Variants in PTPRK observed in about 807,000 individuals in gnomAD.
The protein encoded by PTPRK is receptor-type tyrosine-protein phosphatase kappa.
In PTPRK, 75 loss-of-function variants were observed where a neutral mutation model predicts 178.0. That is an observed-to-expected ratio of 0.42 (90% confidence interval 0.35 to 0.51). PTPRK has a LOEUF of 0.51. Among genes scored for constraint, PTPRK ranks in the 20% least tolerant of loss-of-function variants. The probability of loss-of-function intolerance (pLI) is 0.02; values close to 1 mark genes in which losing one functional copy is unlikely to be tolerated. For synonymous variants in PTPRK, 637 were observed against 620.6 expected (o/e 1.03, Z -0.39); for missense variants, 1,441 against 1,797.8 (o/e 0.80, Z 3.59).
chr6:128,250,162 A>G (rs928143148), intron 3 of PTPRK, among the ~76,000 whole-genome samples: 3 of 152,190 alleles, frequency 2.0e-5, no homozygotes, highest in African/African-American at 4.8e-5. Context: ...CTGTGAATCT[A>G]TCAAACCTAT....
intron 6 of PTPRK, among the ~76,000 whole-genome samples, chr6:128,197,996 A>T (rs1400220675): frequency 6.6e-6 from 1 of 152,212 alleles, no homozygotes; most frequent in East Asian, 1.9e-4. Flanking sequence ...TCCCAATTCA[A>T]GTGCCAGACT....
At chr6:128,301,555 C>G (rs2128312216) in intron 3 of PTPRK, among the ~76,000 whole-genome samples, 1 of 152,144 alleles carries the variant, frequency 6.6e-6, no homozygotes, top group Admixed American at 6.5e-5. Flanking sequence ...ATTTCACACT[C>G]TGATCCAATT....
chr6:128,394,158 T>C (rs1234581524), intron 2 of PTPRK, among the ~76,000 whole-genome samples: 1 of 152,232 alleles, frequency 6.6e-6, no homozygotes, highest in Admixed American at 6.5e-5. Context: ...TCCCTTAAGA[T>C]TGTGTTTGCG....
rs190155765 is a variant in PTPRK at position 128,046,957 on chromosome 6, T to C, written c.2194+17801A>G. On this transcript the variant is annotated intron_variant, in intron 13 of 29. Transcript: ENST00000368226. ...AATGTCTGTCACTTACAAAAGCATT[T>C]CATCCATCTGCACAGAGAAAAGGGC... Among the ~76,000 whole-genome samples the C allele has an allele frequency of 2.2e-4, 34 of 152,296 alleles. 1 individual carries two copies. In the East Asian group the frequency reaches 5.8e-3, roughly 26 times the overall value.
Position 128,324,564 on chromosome 6 carries a change from T to G in PTPRK, c.224-2254A>C, listed in dbSNP as rs367644524. ...AAGCTTGTCTACACTATTTCAACAT[T>G]TCAAGCAAGTTAAATAATAAAGAAA... On this transcript the variant is annotated intron_variant, in intron 2 of 29. Coordinates refer to ENST00000368226, the MANE Select transcript of PTPRK (RefSeq NM_002844.4). 7.2e-5 allele frequency among the ~76,000 whole-genome samples: 11 copies of G among 152,246 alleles called. No individual in the cohort carries two copies. The East Asian group carries it at 1.7e-3, about 24-fold the overall frequency.
intron 13 of PTPRK, among the ~76,000 whole-genome samples, chr6:128,056,360 G>A (rs1009680649): frequency 1.3e-5 from 2 of 151,364 alleles, no homozygotes; most frequent in Non-Finnish European, 2.9e-5. Context: ...ACGTCATCAT[G>A]TATTTTTATT....
intron 1 of PTPRK, among the ~76,000 whole-genome samples, chr6:128,465,516 G>A (rs937573420): frequency 2.6e-5 from 4 of 152,024 alleles, no homozygotes; most frequent in South Asian, 2.1e-4. Flanking sequence ...TTATGGAAAC[G>A]AATCAATAAG....
intron 1 of PTPRK, among the ~76,000 whole-genome samples, chr6:128,468,113 C>T (rs964842912): frequency 9.9e-5 from 15 of 152,072 alleles, no homozygotes; most frequent in Non-Finnish European, 2.1e-4. Context: ...TCGCACAACG[C>T]GTGGCAATTA....
At chr6:128,311,265 A>G (rs751711087) in intron 3 of PTPRK, among the ~76,000 whole-genome samples, 1 of 152,170 alleles carries the variant, frequency 6.6e-6, no homozygotes. Flanking sequence ...ATGGGGCTTG[A>G]ATCGTACAGT....
intron 5 of PTPRK, among the ~76,000 whole-genome samples, chr6:128,235,779 A>G (rs983293038): frequency 4.6e-5 from 7 of 152,084 alleles, no homozygotes; most frequent in African/African-American, 1.7e-4. Flanking sequence ...AGCCCCAAGC[A>G]GATGAACCTC....
At chr6:128,083,906 G>A (rs532884725) in intron 8 of PTPRK, 82 bp from the exon 9 acceptor site, 9 of 609,914 alleles carry the variant, frequency 1.5e-5, no homozygotes, top group Non-Finnish European at 1.6e-5. Context: ...AGATAAACAG[G>A]ATTAAAAATA....
At chr6:128,518,733 A>AT (rs1230068233) in intron 1 of PTPRK, among the ~76,000 whole-genome samples, 1 of 152,188 alleles carries the variant, frequency 6.6e-6, no homozygotes, top group East Asian at 1.9e-4. Flanking sequence ...CCATTGGATT[A>AT]TTTTTTGCAT....
Position 128,316,391 on chromosome 6 carries a change from T to G in PTPRK, c.495+5648A>C, listed in dbSNP as rs1385646183. ...CGCTCATTATTTTTCAATCAGTTAC[T>G]GAAAGGGAATTGGACTAATTTATGG... On this transcript the variant is annotated intron_variant, in intron 3 of 29. Transcript: ENST00000368226. Among the ~76,000 whole-genome samples, 5 of 152,186 alleles carry G rather than the reference T, an allele frequency of 3.3e-5. No homozygotes were observed. In the East Asian group the frequency reaches 9.6e-4, roughly 29 times the overall value.
Position 128,109,422 on chromosome 6 carries a change from C to A in PTPRK, c.1163-19430G>T, listed in dbSNP as rs557786761. On this transcript the variant is annotated intron_variant, in intron 7 of 29. Coordinates refer to ENST00000368226, the MANE Select transcript of PTPRK (RefSeq NM_002844.4). Reference sequence around the variant, plus strand: ...TAAATGTGTTTTTAAACTTAATACTCTTTTCTTGCTATATGACAACAATTT... The same window carrying A: ...TAAATGTGTTTTTAAACTTAATACTATTTTCTTGCTATATGACAACAATTT... 2.0e-5 allele frequency among the ~76,000 whole-genome samples: 3 copies of A among 152,204 alleles called. No homozygotes were observed. In the South Asian group the frequency reaches 6.2e-4, roughly 32 times the overall value.
intron 25 of PTPRK, among the ~76,000 whole-genome samples, chr6:127,979,044 A>T (rs1203368227): frequency 6.6e-6 from 1 of 152,162 alleles, no homozygotes; most frequent in Non-Finnish European, 1.5e-5. Flanking sequence ...GGTGGATTAC[A>T]AGCTTCAACT....
chr6:128,492,397 A>G (rs1361091033), intron 1 of PTPRK, among the ~76,000 whole-genome samples: 5 of 152,188 alleles, frequency 3.3e-5, no homozygotes, highest in Non-Finnish European at 7.3e-5. Flanking sequence ...GTACATATTT[A>G]AGCAACTGCC....
At chr6:128,322,667 A>ATATATATATATATATATATATATATATAT (rs1828966029) in intron 2 of PTPRK, among the ~76,000 whole-genome samples, 1 of 143,722 alleles carries the variant, frequency 7.0e-6, no homozygotes, top group Non-Finnish European at 1.5e-5. Context: ...CTTTTAATAT[A>ATATATATATATATATATATATATATATAT]ATATATATAT....
intron 2 of PTPRK, among the ~76,000 whole-genome samples, chr6:128,391,036 T>A (rs531155788): frequency 5.3e-5 from 8 of 152,142 alleles, no homozygotes. Flanking sequence ...ATGGTGAGAA[T>A]GTAGGGGATT....
intron 2 of PTPRK, among the ~76,000 whole-genome samples, chr6:128,366,199 C>G (rs1170046934): frequency 1.3e-5 from 2 of 152,118 alleles, no homozygotes; most frequent in African/African-American, 4.8e-5. Context: ...TAACTAGCTC[C>G]TTAGGTACTA....
Sources: allele counts gnomAD v4.1 joint callset (sites outside exome capture counted in the v4.1 genomes callset), GRCh38; gene constraint gnomAD v4.1.1; transcripts MANE v1.5; gene names NCBI Gene and HGNC (gene_info 2026-07-23, HGNC 2026-07-21).